The following CLPB variants were observed in gnomAD, a reference collection of about 807,000 sequenced individuals.
The protein encoded by CLPB is mitochondrial disaggregase.
Under a neutral mutation model 78.4 loss-of-function variants are expected in CLPB, and 40 were observed. The observed-to-expected ratio is 0.51, with a 90% CI of 0.40 to 0.66. CLPB has a LOEUF of 0.66. Ranked by LOEUF, CLPB falls within the 30% of genes least tolerant of loss-of-function variation. CLPB has a pLI of 0.00. For synonymous variants in CLPB, 333 were observed against 348.0 expected, an observed-to-expected ratio of 0.96 and a Z score of 0.48; for missense variants, 780 against 886.9, an observed-to-expected ratio of 0.88 and a Z score of 1.53.
intron 5 of CLPB, among the ~76,000 whole-genome samples, chr11:72,340,742 AC>A (rs1261640589): frequency 2.0e-4 from 30 of 152,220 alleles, no homozygotes; most frequent in African/African-American, 7.2e-4. Flanking sequence ...AGCTATAATA[AC>A]ACAATGGCTC....
chr11:72,361,018 C>G (rs185293102), intron 4 of CLPB, among the ~76,000 whole-genome samples: 24 of 152,266 alleles, frequency 1.6e-4, no homozygotes, highest in Non-Finnish European at 2.9e-4. Flanking sequence ...CTTATTCCAT[C>G]CTGTTTTCCT....
At chr11:72,331,370 C>T (rs1394180855) in intron 5 of CLPB, among the ~76,000 whole-genome samples, 2 of 150,318 alleles carry the variant, frequency 1.3e-5, no homozygotes, top group African/African-American at 2.4e-5. Context: ...CGCCACTGCA[C>T]TCTAGCCTGG....
At chr11:72,342,215 A>T (rs1447808350) in intron 5 of CLPB, among the ~76,000 whole-genome samples, 2 of 152,238 alleles carry the variant, frequency 1.3e-5, no homozygotes, top group African/African-American at 4.8e-5. Flanking sequence ...TATGGAAGAC[A>T]TGAAAATGCC....
chr11:72,376,469 T>A (rs1478587067), intron 4 of CLPB, among the ~76,000 whole-genome samples: 2 of 151,648 alleles, frequency 1.3e-5, no homozygotes, highest in Admixed American at 6.6e-5. Context: ...GTGCACCAAG[T>A]TGGACAGCAG....
At chr11:72,405,588 C>T (rs1314653450) in intron 2 of CLPB, among the ~76,000 whole-genome samples, 1 of 152,164 alleles carries the variant, frequency 6.6e-6, no homozygotes, top group East Asian at 1.9e-4. Flanking sequence ...GGATATCACA[C>T]ATCTCTCCCA....
chr11:72,307,258 G>A lies in CLPB; in HGVS notation c.1067-4C>T, dbSNP rs1311832888. On this transcript the variant is annotated splice_region_variant and splice_polypyrimidine_tract_variant and intron_variant, in intron 8 of 15. Coordinates refer to ENST00000538039, the MANE Select transcript of CLPB (RefSeq NM_001258392.3). The stretch of plus-strand genomic sequence containing the variant: ...TGCTTGGCCAGCTCTGTTTTTCCTA[G>A]TAAGAAAGAAGGGGGAGGTGTTGGG... The A allele has an allele frequency of 1.9e-6, 3 of 1,613,898 alleles. No individual in the cohort carries two copies. The highest frequency in any genetic ancestry group is 2.5e-6 in the Non-Finnish European group (3 of 1,179,892).
At chr11:72,293,642 C>A (rs376987474) in intron 15 of CLPB, 27 bp from the exon 16 acceptor site, 221 of 1,594,270 alleles carry the variant, frequency 1.4e-4, no homozygotes, top group Non-Finnish European at 1.9e-4. Flanking sequence ...GAAGTGGTCA[C>A]TCCCTCGGCC....
At chr11:72,329,004 T>C (rs145011677) in intron 6 of CLPB, among the ~76,000 whole-genome samples, 37 of 152,366 alleles carry the variant, frequency 2.4e-4, no homozygotes, top group East Asian at 1.3e-3. Context: ...CTCTGATTTA[T>C]TGGCTTATGT....
chr11:72,317,758 G>T (rs1190716054), intron 6 of CLPB, among the ~76,000 whole-genome samples: 1 of 152,208 alleles, frequency 6.6e-6, no homozygotes, highest in Non-Finnish European at 1.5e-5. Context: ...AGCAGTTCTT[G>T]CATGCCCAGC....
intron 5 of CLPB, among the ~76,000 whole-genome samples, chr11:72,341,978 G>C (rs1285421680): frequency 6.6e-5 from 10 of 152,228 alleles, no homozygotes; most frequent in Admixed American, 5.2e-4. Context: ...GCCTGAATTA[G>C]AGAAGTGGGG....
intron 5 of CLPB, among the ~76,000 whole-genome samples, chr11:72,331,746 G>A (rs991301534): frequency 6.6e-6 from 1 of 151,334 alleles, no homozygotes; most frequent in South Asian, 2.1e-4. Context: ...GCTAATTTTT[G>A]TATTTTTAGT....
chr11:72,348,575 C>A (rs1451802825), intron 5 of CLPB, among the ~76,000 whole-genome samples: 1 of 152,300 alleles, frequency 6.6e-6, no homozygotes, highest in Non-Finnish European at 1.5e-5. Context: ...GCTCTGGTCT[C>A]ACCTCCTCCA....
intron 11 of CLPB, among the ~76,000 whole-genome samples, chr11:72,298,665 T>A (rs1046019064): frequency 6.6e-6 from 1 of 152,176 alleles, no homozygotes; most frequent in South Asian, 2.1e-4. Flanking sequence ...GCCCAGCTGA[T>A]TTTTGTATTT....
chr11:72,293,050 CTA>C lies in CLPB; in HGVS notation c.*315_*316del. 1 of 261,424 alleles carries C rather than the reference CTA, an allele frequency of 3.8e-6. No homozygotes were observed. The allele number at this position is 261,424 out of a possible 1,614,324, so 16.2% of individuals were successfully genotyped here. A position where few individuals can be genotyped will look rare whatever the true frequency, so the allele number is the denominator to read the frequency against. On this transcript the variant is annotated 3_prime_UTR_variant, in exon 16 of 16. Coordinates refer to ENST00000538039, the MANE Select transcript of CLPB (RefSeq NM_001258392.3). ...CTGGGAACATGAGAAAGTCTGGCGA[CTA>C]TGGGGGATGGGGATCATTCTGAAGG...
At chr11:72,372,197 G>A (rs1475693055) in intron 4 of CLPB, among the ~76,000 whole-genome samples, 3 of 152,186 alleles carry the variant, frequency 2.0e-5, no homozygotes, top group African/African-American at 7.2e-5. Flanking sequence ...AGGGTTAATG[G>A]TTTGCTACCA....
intron 5 of CLPB, among the ~76,000 whole-genome samples, chr11:72,340,839 T>A (rs531904669): frequency 1.6e-4 from 25 of 152,352 alleles, no homozygotes; most frequent in Non-Finnish European, 3.2e-4. Flanking sequence ...TAAGAGTCCC[T>A]AACTTGCAGA....
intron 3 of CLPB, among the ~76,000 whole-genome samples, chr11:72,399,820 G>A (rs1174849603): frequency 6.6e-6 from 1 of 152,134 alleles, no homozygotes; most frequent in Non-Finnish European, 1.5e-5. Flanking sequence ...TAGCATTTCA[G>A]GCCTGACCAA....
intron 2 of CLPB, among the ~76,000 whole-genome samples, chr11:72,426,238 C>A (rs1856371266): frequency 6.6e-6 from 1 of 152,152 alleles, no homozygotes; most frequent in Admixed American, 6.5e-5. Context: ...TGTCTTTCAC[C>A]CACTTTGTGC....
chr11:72,358,845 C>A, intron 5 of CLPB, 35 bp downstream of exon 5: 1 of 744,212 alleles, frequency 1.3e-6, no homozygotes, highest in Non-Finnish European at 1.9e-6. Flanking sequence ...TCTTCCACTT[C>A]CCCCACCCCA....
Sources: gnomAD v4.1 joint callset for allele counts (sites outside exome capture counted in the v4.1 genomes callset) on GRCh38, gnomAD v4.1.1 for gene constraint, MANE v1.5 for transcripts, NCBI Gene and HGNC (gene_info 2026-07-23, HGNC 2026-07-21) for gene names.